The following NEB variants were observed in gnomAD, a reference collection of about 807,000 sequenced individuals.
NEB encodes the protein nebulin, also known as nemaline myopathy type 2.
Under a neutral mutation model 952.2 loss-of-function variants are expected in NEB, and 512 were observed. That is an observed-to-expected ratio of 0.54 (90% CI 0.50 to 0.58). The LOEUF is 0.58. NEB is among the 20% of genes least tolerant of loss of function. The pLI is 0.00. For synonymous variants in NEB, 2,900 were observed against 3,149.8 expected (o/e 0.92, Z 2.66); for missense variants, 8,428 against 9,231.1 (o/e 0.91, Z 3.56).
At position 151,627,198 on chromosome 2, in the gene NEB, T is replaced by C; in HGVS notation, c.10151A>G (p.Tyr3384Cys). The C allele has an allele frequency of 1.9e-6, 3 of 1,613,806 alleles. No homozygotes were observed. Among genetic ancestry groups the C allele is most frequent in the Non-Finnish European group, 2.5e-6 (3 of 1,179,744 alleles). ...TCTCAGCCACTGGAGATCAGATTTG[T>C]AAATGTTCTGGAGAGATTAAACACA... The part of the protein sequence containing the change: ...QAYDLQSDNI[Y>C]KSDLQWLRGI... The change falls in exon 70 of 182, where the codon TAC (tyrosine) becomes TGC (cysteine). Residue 3384 changes from tyrosine to cysteine, a missense_variant. Tyr to Cys is a radical substitution (Grantham distance 194, BLOSUM62 -2). Around this residue, in one of 11 missense-constraint regions of NEB, gnomAD observed 1,772 missense variants for 1,960.3 expected, o/e 0.90. Coordinates refer to ENST00000397345, the MANE Select transcript of NEB (RefSeq NM_001164508.2).
At chr2:151,574,054 A>G (rs952283687) in intron 107 of NEB, among the ~76,000 whole-genome samples, 1 of 151,952 alleles carries the variant, frequency 6.6e-6, no homozygotes, top group South Asian at 2.1e-4. Flanking sequence ...GCTTACTGCT[A>G]GCTCCGCCTC....
At chr2:151,548,917 A>G (rs1228479676) in intron 130 of NEB, among the ~76,000 whole-genome samples, 1 of 152,146 alleles carries the variant, frequency 6.6e-6, no homozygotes, top group East Asian at 1.9e-4. Flanking sequence ...CAGGAATATG[A>G]AGGGTAGCAC....
chr2:151,659,161 G>A lies in NEB; in HGVS notation c.5979C>T (p.Tyr1993=). 6.2e-7 allele frequency: 1 copy of A among 1,607,394 alleles called. No individual in the cohort carries two copies. The highest frequency in any genetic ancestry group is 8.5e-7 in the Non-Finnish European group (1 of 1,174,232). The stretch of plus-strand genomic sequence containing the variant: ...TTTTGTCAGCCTCCCATGCTTGTTT[G>A]TAGAGATGCTAGGAAAAAAACAGTG... ...NNAKIMNEHL[Y]KQAWEADKTK... is the part of the protein sequence containing the mutation. The change falls in exon 47 of 182, where the codon TAC becomes TAT. Residue 1993 remains tyrosine, a synonymous_variant. Transcript: ENST00000397345.
At chr2:151,671,340 C>T in intron 37 of NEB, 111 bp from the exon 38 acceptor site, 1 of 847,176 alleles carries the variant, frequency 1.2e-6, no homozygotes, top group Non-Finnish European at 1.8e-6. Context: ...TCAGCATGCT[C>T]ATGTCTGACT....
chr2:151,671,171 C>T lies in NEB; in HGVS notation c.4358G>A (p.Gly1453Asp). 6.2e-7 allele frequency: 1 copy of T among 1,613,948 alleles called. No homozygotes were observed. Residue 1453 changes from glycine to aspartate, a missense_variant, in exon 38 of 182, where the codon GGT becomes GAT. Coordinates refer to ENST00000397345, the MANE Select transcript of NEB (RefSeq NM_001164508.2). The stretch of plus-strand genomic sequence containing the variant: ...CTTGACCTTCTCCACCTCCAGGGAA[C>T]CAATAGGGATCCATCCGATGCCCTT... ...FLKGIGWIPI[G>D]SLEVEKVKKA...
chr2:151,618,533 T>C, intron 73 of NEB, 55 bp from the exon 74 acceptor site: 3 of 1,527,538 alleles, frequency 2.0e-6, no homozygotes, highest in Admixed American at 1.9e-5. Flanking sequence ...AGATTCATAG[T>C]TACAAAATGG....
intron 3 of NEB, among the ~76,000 whole-genome samples, chr2:151,731,273 C>A (rs1348710577): frequency 1.3e-5 from 2 of 152,124 alleles, no homozygotes; most frequent in African/African-American, 4.8e-5. Context: ...AACTTGTATG[C>A]CAAATCTCAC....
At chr2:151,638,380 T>C (rs1478579394) in intron 63 of NEB, among the ~76,000 whole-genome samples, 1 of 152,186 alleles carries the variant, frequency 6.6e-6, no homozygotes, top group Non-Finnish European at 1.5e-5. Flanking sequence ...AGTGATGTCA[T>C]GTGAGGAATG....
chr2:151,522,580 A>G (rs1490757386), intron 153 of NEB, among the ~76,000 whole-genome samples: 2 of 151,680 alleles, frequency 1.3e-5, no homozygotes, highest in African/African-American at 2.4e-5. Flanking sequence ...ATGCAAAAGT[A>G]TATCCTTCAA....
rs1190101717 is a variant in NEB at position 151,531,052 on chromosome 2, G to T, written c.21572C>A (p.Thr7191Lys). 1 of 1,613,638 alleles carries T rather than the reference G, an allele frequency of 6.2e-7. No individual in the cohort carries two copies. Among genetic ancestry groups the T allele is most frequent in the Non-Finnish European group, 8.5e-7 (1 of 1,179,682 alleles). Residue 7191 changes from threonine to lysine, a missense_variant, in exon 145 of 182, where the codon ACA (threonine) becomes AAA (lysine). This residue lies in a region of NEB where 3,374 missense variants were observed against 3,651.5 expected (regional missense o/e 0.92). Transcript: ENST00000397345. ...CAGCAACATGGGTGTGTCGTGGATT[G>T]TGGTGTAGCCTCTGGGTTTGGCCTT... is the stretch of plus-strand genomic sequence containing the variant. ...YNKAKPRGYT[T>K]IHDTPMLLHV...
intron 162 of NEB, chr2:151,507,691 A>ATT (rs1373624895): frequency 2.1e-5 from 6 of 279,972 alleles, no homozygotes; most frequent in Non-Finnish European, 3.4e-5. Context: ...TATTGAATAA[A>ATT]TTGTGTGTCT....
chr2:151,513,252 G>C (rs185624242), intron 160 of NEB, among the ~76,000 whole-genome samples: 21 of 152,296 alleles, frequency 1.4e-4, no homozygotes, highest in African/African-American at 4.6e-4. Context: ...TCTAAGCAAG[G>C]AATTCCTGGC....
intron 150 of NEB, 47 bp from the exon 151 acceptor site, chr2:151,525,320 A>G: frequency 7.2e-7 from 1 of 1,383,084 alleles, no homozygotes; most frequent in Non-Finnish European, 1.0e-6. Flanking sequence ...AGCTGGGAAC[A>G]GAGTTGGTTT....
intron 140 of NEB, 30 bp downstream of exon 140, chr2:151,537,842 T>A: frequency 7.1e-7 from 1 of 1,404,412 alleles, no homozygotes; most frequent in Non-Finnish European, 9.8e-7. Context: ...TATGAATTTA[T>A]ATGTGAAAAT....
At chr2:151,707,313 G>A (rs1365792324) in intron 12 of NEB, among the ~76,000 whole-genome samples, 1 of 152,176 alleles carries the variant, frequency 6.6e-6, no homozygotes, top group Non-Finnish European at 1.5e-5. Context: ...AGAAATAATA[G>A]GAGGGAGAAA....
Position 151,679,821 on chromosome 2 carries a change from T to C in NEB, c.3155A>G (p.Tyr1052Cys), listed in dbSNP as rs758214665. The change falls in exon 32 of 182, where the codon TAC becomes TGC. Residue 1052 changes from tyrosine (Y) to cysteine (C), a missense_variant. By Grantham distance (194) the Tyr-to-Cys change is radical. This residue lies in a region of NEB where 2,851 missense variants were observed against 2,791.5 expected (regional missense o/e 1.02). Transcript: ENST00000397345. ...GCTCAAGTCTTTCAAGTCTGCTTTG[T>C]ACATATTCTGAAAGAAAAATGTCAT... ...VNAYNISENMYKADLKDLSKK... is the reference protein window; with the variant it reads ...VNAYNISENMCKADLKDLSKK... The C allele has an allele frequency of 2.5e-6, 4 of 1,613,536 alleles. No homozygotes were observed. The highest frequency in any genetic ancestry group is 3.4e-6 in the Non-Finnish European group (4 of 1,179,430).
chr2:151,725,624 C>A, intron 5 of NEB, 64 bp from the exon 6 acceptor site: 1 of 1,264,880 alleles, frequency 7.9e-7, no homozygotes, highest in Non-Finnish European at 1.1e-6. Flanking sequence ...AACATACTCA[C>A]CCCATTTGAT....
chr2:151,644,089 T>C lies in NEB; in HGVS notation c.7685A>G (p.His2562Arg), dbSNP rs759327402. 9.9e-6 allele frequency: 16 copies of C among 1,613,906 alleles called. 1 individual carries two copies. The South Asian group carries it at 1.8e-4, about 18-fold the overall frequency. The change falls in exon 57 of 182, where the codon CAC (histidine) becomes CGC (arginine). Residue 2562 changes from histidine (H) to arginine (R), a missense_variant. Transcript: ENST00000397345. ...KEGFRKQLGH[H>R]IGARNIEDDP... ...ATCTTCAATGTTCCGGGCACCAATG[T>C]GGTGGCCGAGCTGCTTGCGAAAGCC...
intron 25 of NEB, 67 bp from the exon 26 acceptor site, chr2:151,687,800 CAT>C (rs2099514652): frequency 5.6e-6 from 8 of 1,432,000 alleles, no homozygotes; most frequent in Admixed American, 2.0e-5. Context: ...AAAATAAAAA[CAT>C]ATTGAAAATT....
Sources: allele counts gnomAD v4.1 joint callset (sites outside exome capture counted in the v4.1 genomes callset), GRCh38; gene constraint gnomAD v4.1.1; regional missense constraint gnomAD v4.1.1; transcripts MANE v1.5; gene names NCBI Gene and HGNC (gene_info 2026-07-23, HGNC 2026-07-21).